Variants in HPSE2 observed in about 807,000 individuals in gnomAD.
HPSE2 encodes the protein inactive heparanase-2.
A neutral mutation model predicts 60.5 loss-of-function variants in HPSE2; 38 were observed. The observed-to-expected ratio is 0.63, with a 90% CI of 0.48 to 0.82. The LOEUF is 0.82. HPSE2 is among the 40% of genes least tolerant of loss of function. The probability of loss-of-function intolerance (pLI) is 0.00; values close to 1 mark genes in which losing one functional copy is unlikely to be tolerated. For missense variants in HPSE2, 713 were observed against 740.4 expected (o/e 0.96, Z 0.43); for synonymous variants, 295 against 293.2 (o/e 1.01, Z -0.06).
At chr10:99,184,807 TATATATATATATAGAGAGAGAG>T (rs1847921116) in intron 2 of HPSE2, among the ~76,000 whole-genome samples, 1 of 36,164 alleles carries the variant, frequency 2.8e-5, no homozygotes, top group African/African-American at 5.8e-5. Context: ...TATATATATA[TATATATATATATAGAGAGAGAG>T]AGAGAGAGAG....
chr10:98,992,485 T>C (rs1956548265), intron 3 of HPSE2, among the ~76,000 whole-genome samples: 1 of 152,174 alleles, frequency 6.6e-6, no homozygotes, highest in African/African-American at 2.4e-5. Context: ...GAGGGTTTGA[T>C]TTCCAAGGCA....
intron 2 of HPSE2, among the ~76,000 whole-genome samples, chr10:99,172,337 G>T (rs1847342789): frequency 1.3e-5 from 2 of 152,190 alleles, no homozygotes; most frequent in South Asian, 4.1e-4. Context: ...GAGCCTCCTA[G>T]TGGCAGCCTC....
At chr10:98,472,357 T>G (rs879485231) in intron 11 of HPSE2, among the ~76,000 whole-genome samples, 1 of 152,186 alleles carries the variant, frequency 6.6e-6, no homozygotes, top group East Asian at 1.9e-4. Context: ...CCAGGCACTT[T>G]CTTGCCATTC....
chr10:98,912,455 A>T (rs1954006053), intron 3 of HPSE2, among the ~76,000 whole-genome samples: 1 of 152,240 alleles, frequency 6.6e-6, no homozygotes, highest in Non-Finnish European at 1.5e-5. Flanking sequence ...TATACCCAAA[A>T]GAAAGGAAAT....
intron 3 of HPSE2, among the ~76,000 whole-genome samples, chr10:98,909,586 C>A (rs776647003): frequency 6.7e-6 from 1 of 149,762 alleles, no homozygotes; most frequent in South Asian, 2.1e-4. Flanking sequence ...GCCGAGATCG[C>A]GCCACTGCAC....
chr10:99,094,479 T>C (rs1189351008), intron 3 of HPSE2, among the ~76,000 whole-genome samples: 1 of 143,722 alleles, frequency 7.0e-6, no homozygotes, highest in Non-Finnish European at 1.5e-5. Flanking sequence ...ATGTCATGAA[T>C]ATTAACATTT....
intron 7 of HPSE2, among the ~76,000 whole-genome samples, chr10:98,626,973 C>T (rs1038644640): frequency 6.6e-5 from 10 of 152,060 alleles, no homozygotes; most frequent in Non-Finnish European, 8.8e-5. Flanking sequence ...TGGGGTTTCA[C>T]CGTGTTAGCC....
intron 2 of HPSE2, among the ~76,000 whole-genome samples, chr10:99,178,386 GAAGAA>G (rs1847618500): frequency 1.3e-5 from 2 of 151,846 alleles, no homozygotes; most frequent in African/African-American, 2.4e-5. Context: ...GACTAATAAA[GAAGAA>G]AAGAGAGAAG....
At chr10:99,232,126 G>C (rs773663203) in intron 2 of HPSE2, among the ~76,000 whole-genome samples, 1 of 152,046 alleles carries the variant, frequency 6.6e-6, no homozygotes, top group African/African-American at 2.4e-5. Flanking sequence ...CCACACTGCA[G>C]TGTCTCCTCA....
chr10:98,811,377 G>A (rs1951165939), intron 3 of HPSE2, among the ~76,000 whole-genome samples: 1 of 152,102 alleles, frequency 6.6e-6, no homozygotes, highest in Non-Finnish European at 1.5e-5. Context: ...CAGTGTGTTT[G>A]TTTATTTATT....
intron 3 of HPSE2, among the ~76,000 whole-genome samples, chr10:98,766,042 C>A (rs1950112698): frequency 6.6e-6 from 1 of 151,664 alleles, no homozygotes; most frequent in Admixed American, 6.6e-5. Flanking sequence ...TCTAACAGAC[C>A]AAAAACGAGC....
chr10:99,288,748 CAAAAAA>C, the HPSE2 span, among the ~76,000 whole-genome samples: 7 of 75,792 alleles, frequency 9.2e-5, no homozygotes, highest in Non-Finnish European at 1.1e-4. Context: ...CAGCCTCAAG[CAAAAAA>C]AAAAAAAAAA....
intron 9 of HPSE2, among the ~76,000 whole-genome samples, chr10:98,583,996 G>A (rs745652912): frequency 6.6e-6 from 1 of 152,156 alleles, no homozygotes; most frequent in Non-Finnish European, 1.5e-5. Context: ...GTGGACATGT[G>A]TTTTTAATTC....
the HPSE2 span, among the ~76,000 whole-genome samples, chr10:99,283,567 G>A: frequency 6.6e-6 from 1 of 151,716 alleles, no homozygotes; most frequent in South Asian, 2.1e-4. Context: ...TCAAAAATTA[G>A]TTCTTTGAAA....
chr10:99,216,720 T>G (rs1849142676), intron 2 of HPSE2, among the ~76,000 whole-genome samples: 1 of 152,216 alleles, frequency 6.6e-6, no homozygotes, highest in African/African-American at 2.4e-5. Flanking sequence ...TCATTCATTT[T>G]TGTATCCTAT....
chr10:98,626,119 AAAAAG>A (rs774964311), intron 7 of HPSE2, among the ~76,000 whole-genome samples: 28,952 of 141,908 alleles, frequency 0.2, 3,177 homozygotes, highest in Admixed American at 0.28. Context: ...AAAAAAAAAG[AAAAAG>A]AAAAAAGAAA....
chr10:98,756,628 T>C (rs1047240585), intron 3 of HPSE2, among the ~76,000 whole-genome samples: 4 of 152,072 alleles, frequency 2.6e-5, no homozygotes, highest in African/African-American at 7.2e-5. Context: ...AAGGAATAAA[T>C]TGAAACCCTG....
chr10:98,584,577 C>T (rs1385989765), intron 9 of HPSE2, among the ~76,000 whole-genome samples: 1 of 152,174 alleles, frequency 6.6e-6, no homozygotes, highest in Non-Finnish European at 1.5e-5. Context: ...CTTTGAACTC[C>T]TCACCTCAAA....
At chr10:98,485,964 T>C (rs971255796) in intron 10 of HPSE2, among the ~76,000 whole-genome samples, 1 of 152,192 alleles carries the variant, frequency 6.6e-6, no homozygotes, top group African/African-American at 2.4e-5. Context: ...GGGAAAGCTG[T>C]CTTTTTCAAG....
Sources: gnomAD v4.1 joint callset for allele counts (sites outside exome capture counted in the v4.1 genomes callset) on GRCh38, gnomAD v4.1.1 for gene constraint, MANE v1.5 for transcripts, NCBI Gene and HGNC (gene_info 2026-07-23, HGNC 2026-07-21) for gene names.